GPHN: variants seen among roughly 807,000 people sequenced by gnomAD.
GPHN encodes gephyrin.
In GPHN, 17 loss-of-function variants were observed where a neutral mutation model predicts 95.5. That is an observed-to-expected ratio of 0.18 (90% CI 0.12 to 0.27). The LOEUF (loss-of-function observed/expected upper bound fraction) is 0.27, where lower values mean the gene tolerates loss of function less well. GPHN is among the 10% of genes least tolerant of loss of function. The pLI is 1.00. For synonymous variants in GPHN, 320 were observed against 322.5 expected (o/e 0.99, Z 0.08); for missense variants, 660 against 978.1 (o/e 0.67, Z 4.34).
the GPHN span, among the ~76,000 whole-genome samples, chr14:67,462,857 G>A: frequency 2.0e-4 from 31 of 152,318 alleles, no homozygotes; most frequent in Admixed American, 2.0e-3. Flanking sequence ...TCCTTGGCCT[G>A]GGGAGAAGAG....
chr14:66,974,606 T>C (rs902547644), intron 9 of GPHN, among the ~76,000 whole-genome samples: 5 of 152,130 alleles, frequency 3.3e-5, no homozygotes, highest in African/African-American at 7.2e-5. Context: ...AGACAGACTG[T>C]AAGTGGTATA....
the GPHN span, among the ~76,000 whole-genome samples, chr14:67,626,098 AC>A: frequency 1.3e-5 from 2 of 152,106 alleles, no homozygotes; most frequent in Admixed American, 1.3e-4. Flanking sequence ...ACTAAAAAAT[AC>A]AAAAATTAGC....
intron 2 of GPHN, among the ~76,000 whole-genome samples, chr14:66,750,113 T>G (rs2058311847): frequency 6.6e-6 from 1 of 151,968 alleles, no homozygotes; most frequent in South Asian, 2.1e-4. Context: ...CTACTGTTTC[T>G]TTCTTCCAAG....
chr14:67,650,907 G>T, the GPHN span: 1 of 1,614,016 alleles, frequency 6.2e-7, no homozygotes, highest in Non-Finnish European at 8.5e-7. Flanking sequence ...AATCAAGCAC[G>T]TGTGAGAATT....
the GPHN span, among the ~76,000 whole-genome samples, chr14:67,409,320 G>A: frequency 6.7e-6 from 1 of 150,340 alleles, no homozygotes; most frequent in Non-Finnish European, 1.5e-5. Context: ...AAGGCCAGGG[G>A]ATCACTTGAG....
the GPHN span, chr14:67,725,231 C>A: frequency 8.6e-5 from 139 of 1,613,434 alleles, 1 homozygote; most frequent in Admixed American, 2.3e-3. Context: ...TCTATCCGAG[C>A]CTTTGCTGAG....
chr14:67,301,322 C>T, the GPHN span: 5 of 855,962 alleles, frequency 5.8e-6, no homozygotes, highest in South Asian at 4.4e-5. Context: ...AAAATATGAC[C>T]CTGCATACAG....
chr14:66,948,867 C>T (rs1048999490), intron 8 of GPHN, among the ~76,000 whole-genome samples: 1 of 152,152 alleles, frequency 6.6e-6, no homozygotes, highest in Non-Finnish European at 1.5e-5. Context: ...TGCAACAGCA[C>T]AGTCACTGTA....
chr14:66,611,049 T>A (rs1237148720), intron 1 of GPHN, among the ~76,000 whole-genome samples: 1 of 152,176 alleles, frequency 6.6e-6, no homozygotes, highest in African/African-American at 2.4e-5. Flanking sequence ...AGGAGAAGGC[T>A]TGGTCAAGCA....
At chr14:66,515,996 C>T (rs1050281876) in intron 1 of GPHN, among the ~76,000 whole-genome samples, 2 of 146,616 alleles carry the variant, frequency 1.4e-5, no homozygotes, top group South Asian at 4.3e-4. Flanking sequence ...TTATGTCAAG[C>T]CATTTTTTTG....
At chr14:66,842,660 T>C (rs1489462772) in intron 4 of GPHN, 1 of 1,532,696 alleles carries the variant, frequency 6.5e-7, no homozygotes, top group Non-Finnish European at 8.7e-7. Flanking sequence ...CCTTTTCTCT[T>C]CTGTTTTTCT....
intron 10 of GPHN, among the ~76,000 whole-genome samples, chr14:67,050,125 C>A (rs768393949): frequency 6.6e-6 from 1 of 152,130 alleles, no homozygotes; most frequent in Non-Finnish European, 1.5e-5. Flanking sequence ...TTAAGTTATT[C>A]CACAATGTAT....
the GPHN span, chr14:67,347,499 TC>T: frequency 7.7e-6 from 10 of 1,300,578 alleles, no homozygotes; most frequent in Admixed American, 2.9e-5. Flanking sequence ...CTTTAAGTTC[TC>T]TCTTTTTTTT....
chr14:66,790,239 C>G (rs140743347), intron 3 of GPHN, among the ~76,000 whole-genome samples: 4 of 152,250 alleles, frequency 2.6e-5, no homozygotes, highest in African/African-American at 9.6e-5. Flanking sequence ...AATGTAACCT[C>G]CCAGGGGCTC....
At chr14:67,496,724 T>TTC in the GPHN span, among the ~76,000 whole-genome samples, 4 of 147,872 alleles carry the variant, frequency 2.7e-5, no homozygotes, top group East Asian at 2.0e-4. Context: ...TTTTCTTTCT[T>TTC]TCTCTCTCTC....
the GPHN span, among the ~76,000 whole-genome samples, chr14:67,300,512 G>A: frequency 6.6e-6 from 1 of 152,092 alleles, no homozygotes; most frequent in Non-Finnish European, 1.5e-5. Context: ...ATTTTTAGTA[G>A]AGACAGTATT....
the GPHN span, among the ~76,000 whole-genome samples, chr14:67,437,562 A>G: frequency 6.6e-6 from 1 of 152,172 alleles, no homozygotes; most frequent in Non-Finnish European, 1.5e-5. Context: ...GTCTGAGAAT[A>G]GGCTGTGCGG....
At chr14:67,279,769 T>C in the GPHN span, 3 of 403,604 alleles carry the variant, frequency 7.4e-6, no homozygotes, top group African/African-American at 6.2e-5. Context: ...TTTTTTTAGA[T>C]ATTAAAGAGT....
intron 1 of GPHN, among the ~76,000 whole-genome samples, chr14:66,574,934 A>G (rs2060846231): frequency 6.6e-6 from 1 of 152,190 alleles, no homozygotes; most frequent in East Asian, 1.9e-4. Context: ...GGAGTCAGCC[A>G]TGTTACCAGC....
Sources: gnomAD v4.1 joint callset for allele counts (sites outside exome capture counted in the v4.1 genomes callset) on GRCh38, gnomAD v4.1.1 for gene constraint, MANE v1.5 for transcripts, NCBI Gene and HGNC (gene_info 2026-07-23, HGNC 2026-07-21) for gene names.